Variants in SLC25A48 observed in about 807,000 individuals in gnomAD.
The protein encoded by SLC25A48 is CTC-321K16.1.
In SLC25A48, 29 loss-of-function variants were observed where a neutral mutation model predicts 32.2. The observed-to-expected ratio is 0.90, with a 90% CI of 0.67 to 1.23. The LOEUF (loss-of-function observed/expected upper bound fraction) is 1.23. Ranked by LOEUF, SLC25A48 falls within the 50% of genes most tolerant of loss-of-function variation. The pLI is 0.00. For missense variants in SLC25A48, 399 were observed against 422.7 expected (o/e 0.94, Z 0.49); for synonymous variants, 164 against 172.3 (o/e 0.95, Z 0.38).
rs58525226 is a variant in SLC25A48, at chr5:135,727,286, TAC to T, written c.-520-85227_-520-85226del. Among the ~76,000 whole-genome samples the T allele has an allele frequency of 4.0e-5, 6 of 151,330 alleles. No homozygotes were observed. The East Asian group carries it at 5.8e-4, about 15-fold the overall frequency. On this transcript the variant is annotated intron_variant, in intron 3 of 10. Coordinates refer to the SLC25A48 transcript ENST00000646290. ...ACTCTAAAATACATATATATGTATG[TAC>T]ACACACACAGAGTCTAAATTCTAGT...
chr5:135,797,496 C>T (rs1343240376), intron 3 of SLC25A48, among the ~76,000 whole-genome samples: 4 of 151,824 alleles, frequency 2.6e-5, no homozygotes. Flanking sequence ...GAAGTGTACA[C>T]TCACCCTTTG....
chr5:135,677,558 G>T (rs1423283112), intron 3 of SLC25A48, among the ~76,000 whole-genome samples: 1 of 152,012 alleles, frequency 6.6e-6, no homozygotes, highest in Non-Finnish European at 1.5e-5. Context: ...CTGATTTTCT[G>T]TGGTGGTACC....
At chr5:135,680,825 A>G (rs1753879105) in intron 3 of SLC25A48, among the ~76,000 whole-genome samples, 1 of 152,192 alleles carries the variant, frequency 6.6e-6, no homozygotes, top group South Asian at 2.1e-4. Context: ...AACCATATCA[A>G]GTCATTATTT....
At chr5:135,849,797 A>T (rs960585631) in intron 2 of SLC25A48, among the ~76,000 whole-genome samples, 1 of 152,162 alleles carries the variant, frequency 6.6e-6, no homozygotes, top group African/African-American at 2.4e-5. Flanking sequence ...AGGGTCTGGG[A>T]ACATGCAACT....
At chr5:135,818,070 T>C (rs1253444832) in intron 4 of SLC25A48, among the ~76,000 whole-genome samples, 4 of 32,778 alleles carry the variant, frequency 1.2e-4, no homozygotes, top group Admixed American at 2.8e-4. Context: ...TCTCTCTCTC[T>C]CTCTCTCTCT....
chr5:135,734,834 A>G (rs1334710391), intron 3 of SLC25A48, among the ~76,000 whole-genome samples: 2 of 140,902 alleles, frequency 1.4e-5, no homozygotes, highest in African/African-American at 2.7e-5. Context: ...AAAAAAAAAA[A>G]AAGAAGAAGA....
intron 3 of SLC25A48, among the ~76,000 whole-genome samples, chr5:135,731,240 A>G (rs1755214180): frequency 6.6e-6 from 1 of 152,056 alleles, no homozygotes; most frequent in Admixed American, 6.5e-5. Context: ...GCCAGAAGGA[A>G]TTTCACAAGG....
At chr5:135,696,197 A>T (rs1048459468) in intron 3 of SLC25A48, among the ~76,000 whole-genome samples, 5 of 152,228 alleles carry the variant, frequency 3.3e-5, no homozygotes, top group Non-Finnish European at 1.5e-5. Flanking sequence ...TTGCAGCAAG[A>T]CCACCAGGTA....
At chr5:135,796,174 G>A (rs1182647773) in intron 3 of SLC25A48, among the ~76,000 whole-genome samples, 1 of 151,684 alleles carries the variant, frequency 6.6e-6, no homozygotes, top group East Asian at 1.9e-4. Context: ...CGTGTGGTGT[G>A]TTCAGCCCCC....
At position 135,667,013 on chromosome 5, in the gene SLC25A48, T is replaced by C. The variant is rs1230568728; in HGVS notation, c.-521+32057T>C. Reference sequence around the variant, plus strand: ...GGGAATGGAATCTTTCTAATGGGTGTGGGATCTTTTCTGGCTTTTTAAAAG... The same window carrying C: ...GGGAATGGAATCTTTCTAATGGGTGCGGGATCTTTTCTGGCTTTTTAAAAG... On this transcript the variant is annotated intron_variant, in intron 3 of 10. Coordinates refer to the SLC25A48 transcript ENST00000646290. Among the ~76,000 whole-genome samples, 3 of 152,328 alleles carry C rather than the reference T, an allele frequency of 2.0e-5. No homozygotes were observed. The East Asian group carries it at 5.8e-4, about 29-fold the overall frequency.
At chr5:135,856,360 G>A (rs1760318418) in intron 4 of SLC25A48, among the ~76,000 whole-genome samples, 2 of 152,170 alleles carry the variant, frequency 1.3e-5, no homozygotes, top group Non-Finnish European at 1.5e-5. Context: ...GCAGCCTTCT[G>A]AGTAGCCCCT....
At chr5:135,669,982 AC>A (rs1753617366) in intron 3 of SLC25A48, among the ~76,000 whole-genome samples, 1 of 152,196 alleles carries the variant, frequency 6.6e-6, no homozygotes, top group African/African-American at 2.4e-5. Flanking sequence ...GCAATTTCTT[AC>A]CCATAAACAC....
chr5:135,811,464 G>A (rs1210906272), intron 3 of SLC25A48, among the ~76,000 whole-genome samples: 4 of 152,138 alleles, frequency 2.6e-5, no homozygotes, highest in East Asian at 1.9e-4. Flanking sequence ...ATTTCAGTTC[G>A]TCAGGAGGAA....
At chr5:135,654,260 C>G (rs933420169) in intron 3 of SLC25A48, among the ~76,000 whole-genome samples, 1 of 152,118 alleles carries the variant, frequency 6.6e-6, no homozygotes, top group Non-Finnish European at 1.5e-5. Flanking sequence ...GCAACTGTAG[C>G]CTGTTGGAGA....
chr5:135,755,279 C>G (rs13170738), intron 3 of SLC25A48, among the ~76,000 whole-genome samples: 46,068 of 151,982 alleles, frequency 0.3, 7,149 homozygotes, highest in East Asian at 0.46. Flanking sequence ...ACAGTGTTTA[C>G]ACCTTGTGAT....
At chr5:135,691,359 G>A (rs913305242) in intron 3 of SLC25A48, among the ~76,000 whole-genome samples, 12 of 152,202 alleles carry the variant, frequency 7.9e-5, no homozygotes, top group African/African-American at 2.9e-4. Context: ...CGGGTTGTAT[G>A]GGAGTCCTTC....
intron 3 of SLC25A48, among the ~76,000 whole-genome samples, chr5:135,737,673 C>G (rs1755406735): frequency 6.6e-6 from 1 of 152,208 alleles, no homozygotes. Flanking sequence ...ACCTTCCCCT[C>G]TGGTACAGGA....
intron 2 of SLC25A48, among the ~76,000 whole-genome samples, chr5:135,630,588 C>CTTTTTTTTTTTTTTTTTTT (rs869088370): frequency 1.7e-5 from 1 of 58,928 alleles, no homozygotes. Flanking sequence ...GGCTGGGCAC[C>CTTTTTTTTTTTTTTTTTTT]TTTTTTTTTT....
In SLC25A48 at chr5:135,742,895, T is replaced by C. The variant is rs558157995; in HGVS notation, c.-520-69628T>C. Among the ~76,000 whole-genome samples, 3 of 134,598 alleles carry C rather than the reference T, an allele frequency of 2.2e-5. No individual in the cohort carries two copies. In the East Asian group the frequency reaches 6.6e-4, roughly 30 times the overall value. The allele number at this position is 134,598 out of a possible 152,430, so 88.3% of individuals were successfully genotyped here. A position where few individuals can be genotyped will look rare whatever the true frequency, so the allele number is the denominator to read the frequency against. ...CAGCTCCAGAAGAGAACTTTGCGTA[T>C]AGTAATGGTCTCCAACTAGGGGACA... On this transcript the variant is annotated intron_variant, in intron 3 of 10. Coordinates refer to the SLC25A48 transcript ENST00000646290.
Sources: gnomAD v4.1 joint callset for allele counts (sites outside exome capture counted in the v4.1 genomes callset) on GRCh38, gnomAD v4.1.1 for gene constraint, MANE v1.5 for transcripts, NCBI Gene and HGNC (gene_info 2026-07-23, HGNC 2026-07-21) for gene names.